Variants in SKI observed in about 807,000 individuals in gnomAD.
SKI encodes SKI proto-oncogene, also known as ski oncogene.
Under a neutral mutation model 59.3 loss-of-function variants are expected in SKI, and 23 were observed. That is an observed-to-expected ratio of 0.39 (90% CI 0.28 to 0.55). The LOEUF is 0.55. Ranked by LOEUF, SKI falls within the 20% of genes least tolerant of loss-of-function variation. The pLI is 0.67. For synonymous variants in SKI, 673 were observed against 488.6 expected, an observed-to-expected ratio of 1.38 and a Z score of -4.98; for missense variants, 1,017 against 1,038.9, an observed-to-expected ratio of 0.98 and a Z score of 0.29.
Position 2,268,065 on chromosome 1 carries a change from A to G in SKI, c.970-34913A>G, listed in dbSNP as rs1160913019. Among the ~76,000 whole-genome samples the G allele has an allele frequency of 6.6e-6, 1 of 152,142 alleles. No homozygotes were observed. The highest frequency in any genetic ancestry group is 1.5e-5 in the Non-Finnish European group (1 of 67,994). On this transcript the variant is annotated intron_variant, in intron 1 of 6. Coordinates refer to ENST00000378536, the MANE Select transcript of SKI (RefSeq NM_003036.4). This position sits in a 1 kb window ranked among gnomAD's most constrained non-coding sequence, Gnocchi z 5.0. ...GGTTCCCACAGGCCAGGGCACTCCC[A>G]ACAGCACTGCGTGGAGCTGGTGCCC...
At chr1:2,231,866 C>T (rs549900573) in intron 1 of SKI, among the ~76,000 whole-genome samples, 10 of 152,340 alleles carry the variant, frequency 6.6e-5, no homozygotes, top group African/African-American at 2.4e-4. Context: ...CGTGGGATGG[C>T]GGCCAGGGAC....
chr1:2,234,967 C>G (rs61776614), intron 1 of SKI, among the ~76,000 whole-genome samples: 1 of 151,614 alleles, frequency 6.6e-6, no homozygotes, highest in Admixed American at 6.6e-5. Flanking sequence ...GCCTCCAGAG[C>G]GGGTGGTAGG....
chr1:2,242,525 T>C (rs1192473962), intron 1 of SKI, among the ~76,000 whole-genome samples: 3 of 152,178 alleles, frequency 2.0e-5, no homozygotes, highest in Non-Finnish European at 4.4e-5. Context: ...GATTTTTCTT[T>C]TTCTTATTTT....
chr1:2,273,375 C>G (rs566225221), intron 1 of SKI, among the ~76,000 whole-genome samples: 1 of 152,196 alleles, frequency 6.6e-6, no homozygotes, highest in African/African-American at 2.4e-5. Flanking sequence ...GGGTCCCTAT[C>G]CTGGTCAGAG....
intron 1 of SKI, among the ~76,000 whole-genome samples, chr1:2,280,444 A>T (rs561158775): frequency 6.6e-6 from 1 of 152,004 alleles, no homozygotes; most frequent in Admixed American, 6.5e-5. Context: ...TCGTTGGGGA[A>T]GGCCTGGTCT....
At chr1:2,299,240 C>T (rs1640362928) in intron 1 of SKI, among the ~76,000 whole-genome samples, 1 of 106,544 alleles carries the variant, frequency 9.4e-6, no homozygotes, top group East Asian at 3.1e-4. Flanking sequence ...GAGTGACTGT[C>T]CCTGCCTCGG....
In SKI at chr1:2,274,574, A is replaced by G. The variant is rs369405824; in HGVS notation, c.970-28404A>G. On this transcript the variant is annotated intron_variant, in intron 1 of 6. Transcript: ENST00000378536. ...CCTGGATGGTGTCCACTCCTGCCCC[A>G]TGGCAGGAAGTCCCAGCGGCACCTG... Among the ~76,000 whole-genome samples the G allele has an allele frequency of 1.5e-4, 23 of 152,324 alleles. 1 individual carries two copies. In the South Asian group the frequency reaches 4.6e-3, roughly 30 times the overall value.
intron 1 of SKI, among the ~76,000 whole-genome samples, chr1:2,253,500 G>A (rs1248742188): frequency 1.3e-5 from 2 of 152,216 alleles, no homozygotes; most frequent in African/African-American, 2.4e-5. Context: ...TGGAGGAATC[G>A]GAAGGAACAG....
intron 1 of SKI, among the ~76,000 whole-genome samples, chr1:2,301,087 G>T (rs113713853): frequency 0.069 from 10,440 of 152,164 alleles, 461 homozygotes; most frequent in South Asian, 0.11. Flanking sequence ...CCGAATTTCC[G>T]CGCCCGCTTC....
intron 6 of SKI, 121 bp from the exon 7 acceptor site, chr1:2,306,456 G>A: frequency 9.0e-7 from 1 of 1,115,806 alleles, no homozygotes; most frequent in Non-Finnish European, 1.3e-6. Context: ...GGTGGAGGAG[G>A]GGCCGGCACG....
At position 2,276,127 on chromosome 1, in the gene SKI, T is replaced by G. The variant is rs532182107; in HGVS notation, c.970-26851T>G. On this transcript the variant is annotated intron_variant, in intron 1 of 6. Coordinates refer to ENST00000378536, the MANE Select transcript of SKI (RefSeq NM_003036.4). The stretch of plus-strand genomic sequence containing the variant: ...AGAAGACGTGAGGAGTGGCATTTAC[T>G]GTGATTGAGCACAGGGCCTGTGGAC... Among the ~76,000 whole-genome samples the G allele has an allele frequency of 3.9e-4, 60 of 152,338 alleles. 1 individual carries two copies. The highest frequency in any genetic ancestry group is 1.3e-3 in the African/African-American group (53 of 41,582).
chr1:2,228,839 C>G lies in SKI; in HGVS notation c.73C>G (p.His25Asp). The G allele has an allele frequency of 7.1e-7, 1 of 1,410,682 alleles. No individual in the cohort carries two copies. Among genetic ancestry groups the G allele is most frequent in the Non-Finnish European group, 9.3e-7 (1 of 1,076,208 alleles). 87.4% of individuals were successfully genotyped at this position (1,410,682 alleles called of 1,614,324 possible). A position where few individuals can be genotyped will look rare whatever the true frequency, so the allele number is the denominator to read the frequency against. Reference sequence around the variant, plus strand: ...GCTGCAGAAGACGCTGGAGCAGTTCCACCTGAGCTCCATGAGCTCGCTGGG... The same window carrying G: ...GCTGCAGAAGACGCTGGAGCAGTTCGACCTGAGCTCCATGAGCTCGCTGGG... ...PGLQKTLEQF[H>D]LSSMSSLGGP... The change falls in exon 1 of 7, where the codon CAC (histidine) becomes GAC (aspartate). Residue 25 changes from histidine to aspartate, a missense_variant. Coordinates refer to ENST00000378536, the MANE Select transcript of SKI (RefSeq NM_003036.4).
intron 1 of SKI, among the ~76,000 whole-genome samples, chr1:2,283,098 G>A (rs1639945701): frequency 1.3e-5 from 2 of 152,220 alleles, no homozygotes; most frequent in African/African-American, 4.8e-5. Context: ...CCACGCCATG[G>A]CCAGGGAGGC....
At chr1:2,259,580 C>T (rs965100505) in intron 1 of SKI, among the ~76,000 whole-genome samples, 3 of 152,100 alleles carry the variant, frequency 2.0e-5, no homozygotes, top group Admixed American at 6.5e-5. Flanking sequence ...ACATAAGCTG[C>T]GTATATTTAA....
In SKI at chr1:2,267,975, G is replaced by A. The variant is rs1027522821; in HGVS notation, c.970-35003G>A. On this transcript the variant is annotated intron_variant, in intron 1 of 6. Transcript: ENST00000378536. This position sits in a 1 kb window ranked among gnomAD's most constrained non-coding sequence, Gnocchi z 4.1. Reference sequence around the variant, plus strand: ...TGGTGGTCGTGGCTCTGTGGGTGCCGGGCAGAGGCCTCCCAGGCTGGGCAG... The same window carrying A: ...TGGTGGTCGTGGCTCTGTGGGTGCCAGGCAGAGGCCTCCCAGGCTGGGCAG... Among the ~76,000 whole-genome samples the A allele has an allele frequency of 1.2e-3, 180 of 152,120 alleles. No homozygotes were observed. The highest frequency in any genetic ancestry group is 1.1e-3 in the Non-Finnish European group (77 of 68,008).
chr1:2,307,121 T>C lies in SKI; in HGVS notation c.*356T>C, dbSNP rs72642140. 3.2e-3 allele frequency: 519 copies of C among 164,118 alleles called. 2 individuals carry two copies. The highest frequency in any genetic ancestry group is 3.6e-3 in the Non-Finnish European group (274 of 76,102). The allele number at this position is 164,118 out of a possible 1,614,324, so 10.2% of individuals were successfully genotyped here. ...GAAAATCAACACATTTTTAAATGAC[T>C]AACTTCTAAAAGCCCCAACACATGA... On this transcript the variant is annotated 3_prime_UTR_variant, in exon 7 of 7. Coordinates refer to ENST00000378536, the MANE Select transcript of SKI (RefSeq NM_003036.4).
At chr1:2,298,917 G>T (rs1039817180) in intron 1 of SKI, among the ~76,000 whole-genome samples, 4 of 152,212 alleles carry the variant, frequency 2.6e-5, no homozygotes, top group African/African-American at 9.6e-5. Context: ...CCGGAGTCTT[G>T]CCCTGGGGGG....
chr1:2,291,722 G>A (rs774521938), intron 1 of SKI, among the ~76,000 whole-genome samples: 3 of 151,800 alleles, frequency 2.0e-5, no homozygotes, highest in Non-Finnish European at 2.9e-5. Context: ...GCCCCCTGGG[G>A]CATGAGGAAG....
At chr1:2,284,673 T>C (rs1569814702) in intron 1 of SKI, among the ~76,000 whole-genome samples, 1 of 152,124 alleles carries the variant, frequency 6.6e-6, no homozygotes, top group African/African-American at 2.4e-5. Flanking sequence ...GGCGGCTCCC[T>C]CCCGCCCCAC....
Sources: gnomAD v4.1 joint callset for allele counts (sites outside exome capture counted in the v4.1 genomes callset) on GRCh38, gnomAD v4.1.1 for gene constraint, Gnocchi (gnomAD v3.1) non-coding constraint, MANE v1.5 for transcripts, NCBI Gene and HGNC (gene_info 2026-07-23, HGNC 2026-07-21) for gene names.